Variants in RBPJ observed in about 807,000 individuals in gnomAD.
The protein encoded by RBPJ is recombining binding protein suppressor of hairless.
In RBPJ, 9 loss-of-function variants were observed where a neutral mutation model predicts 67.8. The ratio of observed to expected loss-of-function variants is 0.13; its 90% CI spans 0.08 to 0.23. The LOEUF (loss-of-function observed/expected upper bound fraction) is 0.23, where lower values mean the gene tolerates loss of function less well. RBPJ is among the 10% of genes least tolerant of loss of function. RBPJ has a pLI of 1.00. For synonymous variants in RBPJ, 198 were observed against 203.3 expected (o/e 0.97, Z 0.22); for missense variants, 305 against 595.6 (o/e 0.51, Z 5.08).
rs534315601 is a variant in RBPJ at position 26,170,311 on chromosome 4, C to T, written c.-167+6697C>T. 1.1e-4 allele frequency among the ~76,000 whole-genome samples: 16 copies of T among 152,114 alleles called. No homozygotes were observed. In the South Asian group the frequency reaches 2.7e-3, roughly 26 times the overall value. On this transcript the variant is annotated intron_variant, in intron 1 of 4. Coordinates refer to the RBPJ transcript ENST00000512351. ...ATCCCAGGGCTTTGGGAGGCCGAGGCGGGTGGATTGCTTGAGGCCAGAAAT... is the reference window on the plus strand; with the variant it reads ...ATCCCAGGGCTTTGGGAGGCCGAGGTGGGTGGATTGCTTGAGGCCAGAAAT...
the RBPJ span, among the ~76,000 whole-genome samples, chr4:26,131,950 G>A: frequency 3.3e-5 from 5 of 152,298 alleles, no homozygotes; most frequent in Admixed American, 1.3e-4. Flanking sequence ...GACTATTAGC[G>A]GGGTAGGGTG....
chr4:26,302,174 T>C (rs188592159), intron 1 of RBPJ, among the ~76,000 whole-genome samples: 12 of 152,328 alleles, frequency 7.9e-5, no homozygotes, highest in African/African-American at 2.4e-4. Flanking sequence ...GAAAGTCTGA[T>C]GACACACTTC....
At chr4:26,286,215 G>A (rs1169076507) in intron 1 of RBPJ, among the ~76,000 whole-genome samples, 3 of 152,072 alleles carry the variant, frequency 2.0e-5, no homozygotes, top group East Asian at 3.8e-4. Context: ...ATGATGACTA[G>A]CGCCTGTAAT....
intron 1 of RBPJ, among the ~76,000 whole-genome samples, chr4:26,216,678 G>T (rs1048196320): frequency 1.3e-5 from 2 of 152,156 alleles, no homozygotes; most frequent in African/African-American, 4.8e-5. Flanking sequence ...ATTTTGGGAG[G>T]CTGAGGCTGA....
At chr4:26,269,380 C>T (rs879636504) in intron 1 of RBPJ, among the ~76,000 whole-genome samples, 24 of 151,788 alleles carry the variant, frequency 1.6e-4, no homozygotes, top group Non-Finnish European at 2.8e-4. Flanking sequence ...CTCAGCCTCC[C>T]GAGTAGCTGA....
chr4:26,249,410 A>C (rs1004043639), intron 1 of RBPJ, among the ~76,000 whole-genome samples: 1 of 152,184 alleles, frequency 6.6e-6, no homozygotes, highest in Non-Finnish European at 1.5e-5. Context: ...CTGTAATCCC[A>C]GCACTTTATG....
At chr4:26,170,019 G>A (rs1418001894) in intron 1 of RBPJ, among the ~76,000 whole-genome samples, 2 of 152,102 alleles carry the variant, frequency 1.3e-5, no homozygotes, top group Non-Finnish European at 2.9e-5. Flanking sequence ...CTGACCCCTT[G>A]CGCTTCCCAA....
the RBPJ span, among the ~76,000 whole-genome samples, chr4:26,115,019 A>G: frequency 6.6e-6 from 1 of 152,222 alleles, no homozygotes; most frequent in South Asian, 2.1e-4. Flanking sequence ...TGGTGAAAAT[A>G]CTATCCACAT....
chr4:26,207,664 C>G (rs115993751), intron 1 of RBPJ, among the ~76,000 whole-genome samples: 1 of 152,192 alleles, frequency 6.6e-6, no homozygotes, highest in South Asian at 2.1e-4. Flanking sequence ...AACAGAGAAG[C>G]AATGCCTGCC....
the RBPJ span, among the ~76,000 whole-genome samples, chr4:26,145,724 C>T: frequency 2.6e-5 from 4 of 151,952 alleles, no homozygotes; most frequent in African/African-American, 7.3e-5. Context: ...GAGAAAAGGA[C>T]GATTATTTAA....
At position 26,189,875 on chromosome 4, in the gene RBPJ, T is replaced by G. The variant is rs187653545; in HGVS notation, c.-167+26261T>G. ...GTAGGGCTCAGCTGTTGTCAGGTGC[T>G]TTCCTTAACAACTAATAACAAGTCC... On this transcript the variant is annotated intron_variant, in intron 1 of 4. Coordinates refer to the RBPJ transcript ENST00000512351. Among the ~76,000 whole-genome samples the G allele has an allele frequency of 2.0e-3, 304 of 152,330 alleles. 3 individuals are homozygous for G. Among genetic ancestry groups the G allele is most frequent in the Non-Finnish European group, 2.9e-3 (198 of 68,038 alleles).
At chr4:26,250,108 A>AGG (rs1720059684) in intron 1 of RBPJ, among the ~76,000 whole-genome samples, 2 of 151,522 alleles carry the variant, frequency 1.3e-5, no homozygotes, top group East Asian at 4.0e-4. Context: ...TCATCATTCC[A>AGG]AATAGAAACT....
intron 1 of RBPJ, among the ~76,000 whole-genome samples, chr4:26,242,550 C>T (rs1387263404): frequency 6.6e-6 from 1 of 151,696 alleles, no homozygotes; most frequent in Non-Finnish European, 1.5e-5. Context: ...TTATAACTAT[C>T]TCCATACCAA....
intron 1 of RBPJ, among the ~76,000 whole-genome samples, chr4:26,307,788 G>C (rs1254009465): frequency 6.6e-6 from 1 of 152,142 alleles, no homozygotes; most frequent in African/African-American, 2.4e-5. Context: ...AAAATTATTT[G>C]TAGTTAAGAT....
chr4:26,154,687 C>G, the RBPJ span, among the ~76,000 whole-genome samples: 2 of 152,186 alleles, frequency 1.3e-5, no homozygotes, highest in African/African-American at 4.8e-5. Flanking sequence ...TCTTTTGGCT[C>G]AAGGGTCTGC....
rs386356773 is a variant in RBPJ, at chr4:26,337,682, CTTTT to C, written c.20+16651_20+16654del. 9.6e-4 allele frequency among the ~76,000 whole-genome samples: 104 copies of C among 107,980 alleles called. 1 individual carries two copies. Among genetic ancestry groups the C allele is most frequent in the African/African-American group, 3.2e-3 (88 of 27,432 alleles). The allele number at this position is 107,980 out of a possible 152,430, so 70.8% of individuals were successfully genotyped here. A position where few individuals can be genotyped will look rare whatever the true frequency, so the allele number is the denominator to read the frequency against. On this transcript the variant is annotated intron_variant, in intron 1 of 10. Transcript: ENST00000355476. ...AAATATATACTTATAATTCTTTATCCTTTTTTTTTTTTTTTTTTTTGAAGGACAG... is the reference window on the plus strand; with the variant it reads ...AAATATATACTTATAATTCTTTATCCTTTTTTTTTTTTTTTTGAAGGACAG...
the RBPJ span, among the ~76,000 whole-genome samples, chr4:26,133,463 C>T: frequency 6.6e-6 from 1 of 152,164 alleles, no homozygotes; most frequent in Non-Finnish European, 1.5e-5. Context: ...ACTCATTGCT[C>T]TACTATTATT....
At chr4:26,253,242 A>T (rs1271377847) in intron 1 of RBPJ, among the ~76,000 whole-genome samples, 1 of 152,180 alleles carries the variant, frequency 6.6e-6, no homozygotes, top group Admixed American at 6.5e-5. Flanking sequence ...AAATGCAAAA[A>T]TATAAACAAA....
intron 1 of RBPJ, among the ~76,000 whole-genome samples, chr4:26,224,571 T>C (rs1719022515): frequency 6.6e-6 from 1 of 152,124 alleles, no homozygotes. Context: ...TTGGCCAGGC[T>C]GGTCTCGAAC....
Sources: allele counts gnomAD v4.1 joint callset (sites outside exome capture counted in the v4.1 genomes callset), GRCh38; gene constraint gnomAD v4.1.1; transcripts MANE v1.5; gene names NCBI Gene and HGNC (gene_info 2026-07-23, HGNC 2026-07-21).